FCSK: variants seen among roughly 807,000 people sequenced by gnomAD.
The protein encoded by FCSK is fucose kinase, also known as L-fucose kinase.
FCSK carries 123 observed loss-of-function variants against 122.5 expected under a neutral mutation model. That is an observed-to-expected ratio of 1.00 (90% CI 0.87 to 1.17). The LOEUF (loss-of-function observed/expected upper bound fraction) is 1.17, where lower values mean the gene tolerates loss of function less well. FCSK is among the 50% of genes most tolerant of loss of function. The probability of loss-of-function intolerance (pLI) is 0.00; values close to 1 mark genes in which losing one functional copy is unlikely to be tolerated. For missense variants in FCSK, 1,366 were observed against 1,450.4 expected (o/e 0.94, Z 0.95); for synonymous variants, 620 against 625.5 (o/e 0.99, Z 0.13).
intron 1 of FCSK, among the ~76,000 whole-genome samples, chr16:70,462,885 T>C (rs2048311321): frequency 6.6e-6 from 1 of 151,966 alleles, no homozygotes. Flanking sequence ...CCTCAGGTGA[T>C]CCCCCCACCT....
chr16:70,469,304 C>G lies in FCSK; in HGVS notation c.936C>G (p.Arg312=), dbSNP rs746249162. 3 of 1,604,304 alleles carry G rather than the reference C, an allele frequency of 1.9e-6. No homozygotes were observed. The Admixed American group carries it at 5.0e-5, about 27-fold the overall frequency. ...GGGCCCAGCTGTGGAGGGAGCTTCG[C>G]GATCAGCCCCTTACCATGGGTGGGT... The part of the protein sequence containing the change: ...SARAQLWREL[R]DQPLTMAYVS... Residue 312 remains arginine (R), a synonymous_variant, in exon 10 of 24, where the codon CGC becomes CGG. Coordinates refer to ENST00000288078, the MANE Select transcript of FCSK (RefSeq NM_145059.3).
intron 23 of FCSK, 77 bp from the exon 24 acceptor site, chr16:70,479,502 G>A: frequency 6.7e-7 from 1 of 1,496,154 alleles, no homozygotes; most frequent in Non-Finnish European, 9.2e-7. Context: ...AGTCCCCCTG[G>A]TCCTGCAGGC....
Position 70,473,038 on chromosome 16 carries a change from G to A in FCSK, c.1462G>A (p.Ala488Thr), listed in dbSNP as rs771639927. The A allele has an allele frequency of 3.2e-5, 51 of 1,589,804 alleles. No individual in the cohort carries two copies. The highest frequency in any genetic ancestry group is 2.5e-4 in the East Asian group (11 of 43,322). ...GCCCGCAGAGTACTGCCTTCCCAGC[G>A]CCCGCCTCTTTCCTGTGCTCCACCC... Reference protein sequence around the residue: ...TLPAEYCLPSARLFPVLHPSR... With the variant: ...TLPAEYCLPSTRLFPVLHPSR... The change falls in exon 15 of 24, where the codon GCC becomes ACC. Residue 488 changes from alanine to threonine, a missense_variant. Coordinates refer to ENST00000288078, the MANE Select transcript of FCSK (RefSeq NM_145059.3). The surrounding 1 kb of genome is among the most constrained non-coding windows in gnomAD (Gnocchi z 4.9).
At position 70,473,173 on chromosome 16, in the gene FCSK, C is replaced by T. The variant is rs1435673135; in HGVS notation, c.1597C>T (p.Leu533=). 4.5e-6 allele frequency: 7 copies of T among 1,542,560 alleles called. No homozygotes were observed. The highest frequency in any genetic ancestry group is 6.1e-6 in the Non-Finnish European group (7 of 1,147,358). Residue 533 remains leucine, a synonymous_variant, in exon 15 of 24, where the codon CTG becomes TTG. Transcript: ENST00000288078. This position sits in a 1 kb window ranked among gnomAD's most constrained non-coding sequence, Gnocchi z 4.9. ...CTCCTGGCGCCTGTCCTGGGAGCAG[C>T]TGCAGCCGTGCCTGGATCGGGCTGC... is the stretch of plus-strand genomic sequence containing the variant. ...RASWRLSWEQ[L]QPCLDRAATL...
intron 1 of FCSK, among the ~76,000 whole-genome samples, chr16:70,460,398 A>G (rs1315848203): frequency 6.8e-6 from 1 of 146,484 alleles, no homozygotes. Context: ...GGCGTGAGCC[A>G]CCGTGCCTGG....
At chr16:70,476,151 T>C (rs573169803) in intron 20 of FCSK, 6,669 of 146,294 alleles carry the variant, frequency 0.046, 197 homozygotes, top group Non-Finnish European at 0.058. Flanking sequence ...TACAGGCGCC[T>C]GCCACCACGC....
chr16:70,458,527 C>T (rs887671861), intron 1 of FCSK, among the ~76,000 whole-genome samples: 10 of 151,778 alleles, frequency 6.6e-5, no homozygotes, highest in Admixed American at 4.6e-4. Context: ...AGTGCAGTGG[C>T]GTGATCTTGG....
In FCSK at chr16:70,479,386, G is replaced by T. The variant is rs374126654; in HGVS notation, c.3136G>T (p.Val1046Leu). Reference protein sequence around the residue: ...EPQQKEALEAVLAKTEGLGNY... With the variant: ...EPQQKEALEALLAKTEGLGNY... The stretch of plus-strand genomic sequence containing the variant: ...ACAGCAAAAGGAGGCCTTGGAGGCG[G>T]TGCTGGCCAAGACCGAGGTACTGAT... Residue 1046 changes from valine to leucine, a missense_variant, in exon 23 of 24, where the codon GTG becomes TTG. Val to Leu is a conservative substitution (Grantham distance 32). Transcript: ENST00000288078. The T allele has an allele frequency of 4.8e-5, 77 of 1,613,292 alleles. No homozygotes were observed. The highest frequency in any genetic ancestry group is 6.2e-5 in the Non-Finnish European group (73 of 1,179,870).
In FCSK at chr16:70,475,500, G is replaced by T; in HGVS notation, c.2521+7G>T. On this transcript the variant is annotated splice_region_variant and intron_variant, in intron 19 of 23. Coordinates refer to ENST00000288078, the MANE Select transcript of FCSK (RefSeq NM_145059.3). ...CCCCACGGCTCTGGCCTGGGTGAGC[G>T]GGCCCTGCCTCCTGCTACCCACCGA... 1 of 1,600,608 alleles carries T rather than the reference G, an allele frequency of 6.2e-7. No individual in the cohort carries two copies.
At chr16:70,455,238 T>C (rs1320770428) in intron 1 of FCSK, among the ~76,000 whole-genome samples, 2 of 152,154 alleles carry the variant, frequency 1.3e-5, no homozygotes, top group Non-Finnish European at 2.9e-5. Flanking sequence ...TATCTCTGGC[T>C]CCCCAACCCT....
In FCSK at chr16:70,471,200, G is replaced by A. The variant is rs865898085; in HGVS notation, c.1189G>A (p.Ala397Thr). 14 of 1,605,972 alleles carry A rather than the reference G, an allele frequency of 8.7e-6. No individual in the cohort carries two copies. The East Asian group carries it at 1.3e-4, about 15-fold the overall frequency. The change falls in exon 13 of 24, where the codon GCT (alanine) becomes ACT (threonine). Residue 397 changes from alanine (A) to threonine (T), a missense_variant. By Grantham distance (58) the Ala-to-Thr change is moderately conservative. Coordinates refer to ENST00000288078, the MANE Select transcript of FCSK (RefSeq NM_145059.3). The stretch of plus-strand genomic sequence containing the variant: ...CCACCAGGGCCCCATTCACATAGGC[G>A]CTGGCTGCTTGGTGACTGGCCTGGA... ...CHLQGPIHIGAGCLVTGLDTA... is the reference protein window; with the variant it reads ...CHLQGPIHIGTGCLVTGLDTA...
At chr16:70,470,559 G>A in intron 11 of FCSK, 133 bp downstream of exon 11, 1 of 642,822 alleles carries the variant, frequency 1.6e-6, no homozygotes, top group Non-Finnish European at 2.7e-6. Context: ...TACACATGAA[G>A]TGCTGGAGGC....
Position 70,471,017 on chromosome 16 carries a change from T to C in FCSK, c.1115T>C (p.Leu372Pro). Residue 372 changes from leucine to proline, a missense_variant, in exon 12 of 24, where the codon CTG becomes CCG. By Grantham distance (98) the Leu-to-Pro change is moderately conservative. Transcript: ENST00000288078. ...AAGSSVVSCL[L>P]EGPVQLGPGS... ...GGGAGCTCTGTGGTCAGCTGCCTGC[T>C]GGAGGGCCCTGTCCAGCTGGGTCCT... The C allele has an allele frequency of 2.5e-6, 4 of 1,602,430 alleles. No individual in the cohort carries two copies. Among genetic ancestry groups the C allele is most frequent in the Non-Finnish European group, 3.4e-6 (4 of 1,176,466 alleles).
chr16:70,470,947 T>C, intron 11 of FCSK, 24 bp from the exon 12 acceptor site: 2 of 1,555,168 alleles, frequency 1.3e-6, no homozygotes, highest in South Asian at 1.2e-5. Flanking sequence ...ACCCCCCTCA[T>C]GCTCCTCCTA....
Position 70,463,362 on chromosome 16 carries a change from C to T in FCSK, c.82+90C>T. 4 of 1,173,226 alleles carry T rather than the reference C, an allele frequency of 3.4e-6. 1 individual carries two copies. The highest frequency in any genetic ancestry group is 2.6e-5 in the South Asian group (2 of 76,070). 72.7% of individuals were successfully genotyped at this position (1,173,226 alleles called of 1,614,324 possible). A position where few individuals can be genotyped will look rare whatever the true frequency, so the allele number is the denominator to read the frequency against. The stretch of plus-strand genomic sequence containing the variant: ...CCTCCAACACCAGGTGCCAGGCCAA[C>T]CTGGGTTCAAACCCAGATTGCACTT... On this transcript the variant is annotated intron_variant, in intron 2 of 23. Coordinates refer to ENST00000288078, the MANE Select transcript of FCSK (RefSeq NM_145059.3).
In FCSK at chr16:70,474,580, C is replaced by A; in HGVS notation, c.2041C>A (p.Leu681Met). 1.9e-6 allele frequency: 3 copies of A among 1,562,224 alleles called. No individual in the cohort carries two copies. The Admixed American group carries it at 5.7e-5, about 30-fold the overall frequency. ...ARHYEGAGQI[L>M]IRQAVMSAQH... ...CCACTATGAGGGGGCTGGTCAGATC[C>A]TGATCCGCCAGGCTGTGATGTCAGC... is the stretch of plus-strand genomic sequence containing the variant. The change falls in exon 17 of 24, where the codon CTG (leucine) becomes ATG (methionine). Residue 681 changes from leucine (L) to methionine (M), a missense_variant. Coordinates refer to ENST00000288078, the MANE Select transcript of FCSK (RefSeq NM_145059.3).
At position 70,467,955 on chromosome 16, in the gene FCSK, C is replaced by G. The variant is rs371682423; in HGVS notation, c.652C>G (p.Arg218Gly). The G allele has an allele frequency of 1.9e-6, 3 of 1,613,722 alleles. No homozygotes were observed. The Admixed American group carries it at 5.0e-5, about 27-fold the overall frequency. ...EIQRCVRPDG[R>G]VPLVSGVVFF... ...TCAGCGGTGTGTCAGGCCTGATGGG[C>G]GGGTGCCACTGGTATGGCTGCTGGG... The change falls in exon 8 of 24, where the codon CGG (arginine) becomes GGG (glycine). Residue 218 changes from arginine (R) to glycine (G), a missense_variant. Arg to Gly is a moderately radical substitution (Grantham distance 125). Coordinates refer to ENST00000288078, the MANE Select transcript of FCSK (RefSeq NM_145059.3).
intron 14 of FCSK, among the ~76,000 whole-genome samples, 162 bp downstream of exon 14, chr16:70,472,767 G>A (rs1422070567): frequency 1.3e-5 from 2 of 152,066 alleles, no homozygotes; most frequent in Non-Finnish European, 2.9e-5. Flanking sequence ...ACTTTCCCCC[G>A]GGCAGCTCCC....
chr16:70,475,252 CG>C, intron 18 of FCSK, 97 bp from the exon 19 acceptor site: 1 of 1,424,234 alleles, frequency 7.0e-7, no homozygotes, highest in Non-Finnish European at 9.6e-7. Flanking sequence ...TTTGTCCCAC[CG>C]GATGAGTCCC....
Sources: allele counts gnomAD v4.1 joint callset (sites outside exome capture counted in the v4.1 genomes callset), GRCh38; gene constraint gnomAD v4.1.1; non-coding constraint Gnocchi (gnomAD v3.1); transcripts MANE v1.5; gene names NCBI Gene and HGNC (gene_info 2026-07-23, HGNC 2026-07-21).